PEX5L: variants seen among roughly 807,000 people sequenced by gnomAD.
The protein encoded by PEX5L is PEX5-related protein.
In PEX5L, 30 loss-of-function variants were observed where a neutral mutation model predicts 84.0. The ratio of observed to expected loss-of-function variants is 0.36; its 90% CI spans 0.27 to 0.48. PEX5L has a LOEUF of 0.48. Ranked by LOEUF, PEX5L falls within the 20% of genes least tolerant of loss-of-function variation. PEX5L has a pLI of 0.99. For missense variants in PEX5L, 533 were observed against 754.6 expected (o/e 0.71, Z 3.44); for synonymous variants, 270 against 283.1 (o/e 0.95, Z 0.46).
chr3:179,885,906 C>G (rs938056329), intron 4 of PEX5L, among the ~76,000 whole-genome samples: 4 of 152,190 alleles, frequency 2.6e-5, no homozygotes, highest in Non-Finnish European at 4.4e-5. Context: ...TGAATCAACT[C>G]AGTGGGTGGT....
At chr3:179,868,609 T>C (rs1749198163) in intron 7 of PEX5L, among the ~76,000 whole-genome samples, 1 of 152,188 alleles carries the variant, frequency 6.6e-6, no homozygotes. Flanking sequence ...TCTGTATTAA[T>C]GCAACCAGCA....
At chr3:179,884,825 C>G (rs1325922507) in intron 4 of PEX5L, among the ~76,000 whole-genome samples, 2 of 152,064 alleles carry the variant, frequency 1.3e-5, no homozygotes, top group Non-Finnish European at 2.9e-5. Context: ...GTCTCAAAAA[C>G]TTTTGTTCTT....
At chr3:180,006,344 A>G in intron 1 of PEX5L, among the ~76,000 whole-genome samples, 1 of 150,050 alleles carries the variant, frequency 6.7e-6, no homozygotes, top group East Asian at 1.9e-4. Context: ...TAGTGAAAAA[A>G]AAAGTTTTAA....
chr3:179,979,439 A>G (rs919235353), intron 1 of PEX5L, among the ~76,000 whole-genome samples: 3 of 152,320 alleles, frequency 2.0e-5, no homozygotes, highest in Admixed American at 6.5e-5. Flanking sequence ...GAAAAATTAT[A>G]TATTTTAATC....
At chr3:180,012,537 G>A (rs941909146) in intron 1 of PEX5L, among the ~76,000 whole-genome samples, 1 of 152,106 alleles carries the variant, frequency 6.6e-6, no homozygotes, top group African/African-American at 2.4e-5. Flanking sequence ...AGAATTATAT[G>A]ATTATAGCAC....
chr3:179,979,880 G>C (rs1786157002), intron 1 of PEX5L, among the ~76,000 whole-genome samples: 1 of 152,158 alleles, frequency 6.6e-6, no homozygotes, highest in African/African-American at 2.4e-5. Context: ...ACTTATCATT[G>C]GCTTTTCCAG....
chr3:180,026,218 C>A (rs1790947722), intron 1 of PEX5L, among the ~76,000 whole-genome samples: 1 of 149,474 alleles, frequency 6.7e-6, no homozygotes. Context: ...CCTCAGTTTC[C>A]TCACATGTGA....
chr3:179,995,276 C>T (rs1787785140), intron 1 of PEX5L, among the ~76,000 whole-genome samples: 1 of 150,504 alleles, frequency 6.6e-6, no homozygotes, highest in South Asian at 2.1e-4. Context: ...ATATAGTTCT[C>T]TCCCTCTGGG....
intron 2 of PEX5L, among the ~76,000 whole-genome samples, chr3:179,926,084 T>C (rs1355817649): frequency 6.6e-6 from 1 of 152,180 alleles, no homozygotes; most frequent in Non-Finnish European, 1.5e-5. Flanking sequence ...GCCTGGCAAT[T>C]ATCCCACGTT....
At chr3:179,949,561 C>G (rs1357098323) in intron 2 of PEX5L, among the ~76,000 whole-genome samples, 1 of 152,182 alleles carries the variant, frequency 6.6e-6, no homozygotes, top group Non-Finnish European at 1.5e-5. Context: ...GGACTACACA[C>G]TAAATTGCCT....
At chr3:179,906,358 A>C (rs888655136) in intron 2 of PEX5L, among the ~76,000 whole-genome samples, 1 of 152,196 alleles carries the variant, frequency 6.6e-6, no homozygotes, top group Non-Finnish European at 1.5e-5. Flanking sequence ...GCTTCCTCTG[A>C]TGAATGTGGT....
rs1718221139 is a variant in PEX5L, at chr3:179,799,470, T to C, written c.*2358A>G. ...TGGAGTTTGTGTTCCAATAGCAAAATAAAACTTGGGCCACAAAATTTGCCA... is the reference window on the plus strand; with the variant it reads ...TGGAGTTTGTGTTCCAATAGCAAAACAAAACTTGGGCCACAAAATTTGCCA... On this transcript the variant is annotated 3_prime_UTR_variant, in exon 15 of 15. Transcript: ENST00000467460. The C allele has an allele frequency of 1.3e-5, 2 of 152,164 alleles. No individual in the cohort carries two copies. Among genetic ancestry groups the C allele is most frequent in the Non-Finnish European group, 2.9e-5 (2 of 68,010 alleles). 9.4% of individuals were successfully genotyped at this position (152,164 alleles called of 1,614,324 possible).
chr3:179,975,565 A>C (rs761256969), intron 1 of PEX5L, among the ~76,000 whole-genome samples: 13 of 152,216 alleles, frequency 8.5e-5, no homozygotes, highest in Non-Finnish European at 1.8e-4. Flanking sequence ...AATAATTCAA[A>C]TTTTTAAAAA....
At chr3:179,831,881 T>G (rs1359718676) in intron 8 of PEX5L, among the ~76,000 whole-genome samples, 1 of 152,182 alleles carries the variant, frequency 6.6e-6, no homozygotes, top group South Asian at 2.1e-4. Flanking sequence ...GCAGAAGGTG[T>G]CAGAGGTGAG....
At chr3:179,868,076 T>C (rs192432937) in intron 7 of PEX5L, among the ~76,000 whole-genome samples, 2 of 149,278 alleles carry the variant, frequency 1.3e-5, no homozygotes, top group Admixed American at 1.3e-4. Context: ...AGATGGGGTT[T>C]CACTATGTTG....
chr3:179,874,737 T>TG (rs1751686117), intron 6 of PEX5L, among the ~76,000 whole-genome samples: 2 of 64,224 alleles, frequency 3.1e-5, no homozygotes, highest in Admixed American at 3.8e-4. Flanking sequence ...TTTTTTTTTT[T>TG]GTTTTTTTTT....
intron 8 of PEX5L, among the ~76,000 whole-genome samples, chr3:179,844,883 G>A (rs780935652): frequency 5.3e-5 from 8 of 152,148 alleles, no homozygotes; most frequent in Non-Finnish European, 5.9e-5. Context: ...TTTCTCCAGT[G>A]TGTTCTTTAT....
intron 1 of PEX5L, among the ~76,000 whole-genome samples, chr3:179,992,147 C>T (rs1171830202): frequency 2.0e-5 from 3 of 152,116 alleles, no homozygotes; most frequent in African/African-American, 4.8e-5. Flanking sequence ...ACACAGAAAG[C>T]AGATATACCC....
chr3:179,980,788 T>G (rs1455419343), intron 1 of PEX5L, among the ~76,000 whole-genome samples: 1 of 152,068 alleles, frequency 6.6e-6, no homozygotes, highest in Non-Finnish European at 1.5e-5. Flanking sequence ...ACACCTGTAA[T>G]CCCAGCACTT....
Sources: gnomAD v4.1 joint callset for allele counts (sites outside exome capture counted in the v4.1 genomes callset) on GRCh38, gnomAD v4.1.1 for gene constraint, MANE v1.5 for transcripts, NCBI Gene and HGNC (gene_info 2026-07-23, HGNC 2026-07-21) for gene names.